Variants in FOXP2 observed in about 807,000 individuals in gnomAD.
FOXP2 encodes the protein forkhead box P2, also known as forkhead box protein P2.
A neutral mutation model predicts 115.8 loss-of-function variants in FOXP2; 12 were observed. The ratio of observed to expected loss-of-function variants is 0.10; its 90% confidence interval spans 0.07 to 0.17. FOXP2 has a LOEUF of 0.17. FOXP2 is among the 10% of genes least tolerant of loss of function. The probability of loss-of-function intolerance (pLI) is 1.00; values close to 1 mark genes in which losing one functional copy is unlikely to be tolerated. For missense variants in FOXP2, 629 were observed against 843.5 expected (o/e 0.75, Z 3.15); for synonymous variants, 328 against 297.7 (o/e 1.10, Z -1.05).
intron 1 of FOXP2, among the ~76,000 whole-genome samples, chr7:114,212,576 G>A (rs1256340943): frequency 1.3e-5 from 2 of 151,704 alleles, no homozygotes; most frequent in Non-Finnish European, 2.9e-5. Flanking sequence ...AAAACAAGGA[G>A]TTTGACATTT....
At chr7:114,638,921 C>G (rs914901401) in intron 6 of FOXP2, among the ~76,000 whole-genome samples, 1 of 152,160 alleles carries the variant, frequency 6.6e-6, no homozygotes, top group Admixed American at 6.6e-5. Flanking sequence ...ATTATTTGAA[C>G]AGGCCATTTA....
At chr7:114,534,847 T>C (rs1799303282) in intron 3 of FOXP2, 141 bp downstream of exon 3, 12 of 706,662 alleles carry the variant, frequency 1.7e-5, no homozygotes, top group Admixed American at 5.0e-5. Flanking sequence ...AGAGAATTCA[T>C]TTTATCTTCT....
intron 2 of FOXP2, among the ~76,000 whole-genome samples, chr7:114,378,509 CCTT>C (rs1792196181): frequency 6.6e-6 from 1 of 151,324 alleles, no homozygotes; most frequent in African/African-American, 2.4e-5. Flanking sequence ...CATAAGGAGA[CCTT>C]CTCTCTACAA....
At chr7:114,401,977 C>G (rs1293567707) in intron 2 of FOXP2, among the ~76,000 whole-genome samples, 1 of 152,102 alleles carries the variant, frequency 6.6e-6, no homozygotes, top group African/African-American at 2.4e-5. Context: ...CAAAAATTAG[C>G]TAGGCATGGT....
At chr7:114,129,955 A>G (rs1791824538) in intron 1 of FOXP2, among the ~76,000 whole-genome samples, 2 of 152,232 alleles carry the variant, frequency 1.3e-5, no homozygotes, top group Non-Finnish European at 2.9e-5. Context: ...AGATGTCACT[A>G]AAACATCACA....
chr7:114,235,774 A>G (rs2129166651), intron 1 of FOXP2, among the ~76,000 whole-genome samples: 1 of 152,264 alleles, frequency 6.6e-6, no homozygotes, highest in Non-Finnish European at 1.5e-5. Flanking sequence ...TGGGACTCTT[A>G]CCTCATTATC....
At chr7:114,220,211 G>T (rs2129163541) in intron 1 of FOXP2, among the ~76,000 whole-genome samples, 1 of 151,888 alleles carries the variant, frequency 6.6e-6, no homozygotes, top group Middle Eastern at 3.4e-3. Flanking sequence ...GCTAGGCTTA[G>T]TTGTAGTTGT....
rs1424915324 is a variant in FOXP2 at position 114,129,662 on chromosome 7, C to T, written c.-246-33282C>T. Among the ~76,000 whole-genome samples the T allele has an allele frequency of 2.0e-5, 3 of 152,176 alleles. No individual in the cohort carries two copies. The South Asian group carries it at 6.2e-4, about 31-fold the overall frequency. On this transcript the variant is annotated intron_variant, in intron 1 of 19. Coordinates refer to the FOXP2 transcript ENST00000635638. Reference sequence around the variant, plus strand: ...TCTGGAAAGCTTGGAAGCTTATATTCGTGTACTCCTTTTTACTATTGTTTA... The same window carrying T: ...TCTGGAAAGCTTGGAAGCTTATATTTGTGTACTCCTTTTTACTATTGTTTA...
At chr7:114,293,798 A>G (rs1357486869) in intron 2 of FOXP2, among the ~76,000 whole-genome samples, 1 of 152,192 alleles carries the variant, frequency 6.6e-6, no homozygotes, top group Non-Finnish European at 1.5e-5. Context: ...AGCCATGTGG[A>G]ACTGTGAGTC....
rs79810401 is a variant in FOXP2, at chr7:114,653,305, AT to A, written c.1183-609del. ...GTCTTCGGTGTGACCAATTACGCCTATTTTTTTTTTTTCCTTCTGCTGTGTC... is the reference window on the plus strand; with the variant it reads ...GTCTTCGGTGTGACCAATTACGCCTATTTTTTTTTTTCCTTCTGCTGTGTC... On this transcript the variant is annotated intron_variant, in intron 9 of 16. Coordinates refer to ENST00000350908, the MANE Select transcript of FOXP2 (RefSeq NM_014491.4). The A allele has an allele frequency of 4.0e-3, 609 of 150,382 alleles. 2 individuals carry two copies. The highest frequency in any genetic ancestry group is 8.3e-3 in the East Asian group (42 of 5,068). 9.3% of individuals were successfully genotyped at this position (150,382 alleles called of 1,614,324 possible).
intron 2 of FOXP2, among the ~76,000 whole-genome samples, chr7:114,515,029 C>G (rs1798262191): frequency 6.6e-6 from 1 of 151,310 alleles, no homozygotes; most frequent in Non-Finnish European, 1.5e-5. Flanking sequence ...CATCCATGTC[C>G]CTACAAAGGA....
At chr7:114,342,630 G>A (rs1791245760) in intron 2 of FOXP2, among the ~76,000 whole-genome samples, 4 of 151,386 alleles carry the variant, frequency 2.6e-5, no homozygotes. Flanking sequence ...ATTGATAGGT[G>A]AATCTCAAAA....
chr7:114,370,304 A>C (rs1791973177), intron 2 of FOXP2, among the ~76,000 whole-genome samples: 1 of 152,222 alleles, frequency 6.6e-6, no homozygotes, highest in Non-Finnish European at 1.5e-5. Flanking sequence ...ATCACACAGA[A>C]TACCAAGGTA....
In FOXP2 at chr7:114,456,630, G is replaced by A. The variant is rs117889999; in HGVS notation, c.168+29951G>A. 6.9e-3 allele frequency among the ~76,000 whole-genome samples: 1,046 copies of A among 152,244 alleles called. 8 individuals carry two copies. The Middle Eastern group carries it at 0.088, about 13-fold the overall frequency. On this transcript the variant is annotated intron_variant, in intron 2 of 16. Transcript: ENST00000350908. ...TAGACTACCTCTAAGAATTTCAATAGGGTATGATCTTCCATATCATTGTGA... is the reference window on the plus strand; with the variant it reads ...TAGACTACCTCTAAGAATTTCAATAAGGTATGATCTTCCATATCATTGTGA...
intron 1 of FOXP2, among the ~76,000 whole-genome samples, chr7:114,124,166 A>G (rs1346547088): frequency 1.3e-5 from 2 of 152,028 alleles, no homozygotes; most frequent in Non-Finnish European, 2.9e-5. Flanking sequence ...GTTTGGCCCT[A>G]GGAAGTAGGT....
chr7:114,116,950 AG>A (rs1413604749), intron 1 of FOXP2, among the ~76,000 whole-genome samples: 3 of 152,118 alleles, frequency 2.0e-5, no homozygotes, highest in Non-Finnish European at 4.4e-5. Context: ...ACTCTGGGAA[AG>A]GCTCTTTTTT....
intron 1 of FOXP2, among the ~76,000 whole-genome samples, chr7:114,134,541 G>A (rs948528961): frequency 7.3e-5 from 11 of 151,478 alleles, no homozygotes; most frequent in Admixed American, 1.3e-4. Flanking sequence ...GTGAAACCCC[G>A]TCTCTACTAA....
At chr7:114,362,780 T>C (rs1791784656) in intron 2 of FOXP2, among the ~76,000 whole-genome samples, 1 of 144,538 alleles carries the variant, frequency 6.9e-6, no homozygotes, top group South Asian at 2.6e-4. Flanking sequence ...AAAGATATAA[T>C]TACTTCTGAT....
chr7:114,281,991 A>T (rs200664702), intron 1 of FOXP2, among the ~76,000 whole-genome samples: 1 of 152,158 alleles, frequency 6.6e-6, no homozygotes, highest in Admixed American at 6.6e-5. Flanking sequence ...CTCTGTACAG[A>T]TAATGCTTAC....
Sources: gnomAD v4.1 joint callset for allele counts (sites outside exome capture counted in the v4.1 genomes callset) on GRCh38, gnomAD v4.1.1 for gene constraint, MANE v1.5 for transcripts, NCBI Gene and HGNC (gene_info 2026-07-23, HGNC 2026-07-21) for gene names.